Variants in ACVR1 observed in about 807,000 individuals in gnomAD.
The protein encoded by ACVR1 is activin A receptor type 1.
A neutral mutation model predicts 57.1 loss-of-function variants in ACVR1; 38 were observed. The ratio of observed to expected loss-of-function variants is 0.67; its 90% CI spans 0.51 to 0.87. The LOEUF is 0.87. Among genes scored for constraint, ACVR1 ranks in the 40% least tolerant of loss-of-function variants. The pLI, the probability that ACVR1 is intolerant of heterozygous loss-of-function variation, is 0.00. For missense variants in ACVR1, 463 were observed against 638.2 expected (o/e 0.73, Z 2.96); for synonymous variants, 212 against 228.1 (o/e 0.93, Z 0.63).
intron 1 of ACVR1, among the ~76,000 whole-genome samples, chr2:157,834,800 G>T (rs576410502): frequency 6.6e-6 from 1 of 152,162 alleles, no homozygotes; most frequent in Non-Finnish European, 1.5e-5. Context: ...GCTTTCGGAG[G>T]TGATTAAATC....
At chr2:157,738,414 T>A (rs775864239) in intron 10 of ACVR1, 26 bp downstream of exon 10, 2 of 1,613,964 alleles carry the variant, frequency 1.2e-6, no homozygotes, top group Admixed American at 3.3e-5. Context: ...AAAAGAGCTC[T>A]AAAACTGAGA....
intron 3 of ACVR1, among the ~76,000 whole-genome samples, chr2:157,788,596 C>T (rs756071377): frequency 2.6e-5 from 4 of 152,066 alleles, no homozygotes; most frequent in Non-Finnish European, 5.9e-5. Flanking sequence ...TTTTACTTTG[C>T]TATTGTTGTT....
chr2:157,744,515 T>G (rs534642007), intron 9 of ACVR1, among the ~76,000 whole-genome samples: 1 of 152,328 alleles, frequency 6.6e-6, no homozygotes, highest in East Asian at 1.9e-4. Context: ...GATAATAATT[T>G]CCTTTCAAAA....
At chr2:157,830,077 G>T (rs147957304) in intron 1 of ACVR1, among the ~76,000 whole-genome samples, 1,758 of 152,274 alleles carry the variant, frequency 0.012, 129 homozygotes, top group Admixed American at 0.1. Context: ...AAATTAGCCA[G>T]GTGTGGTAGC....
intron 2 of ACVR1, among the ~76,000 whole-genome samples, chr2:157,807,984 T>C (rs1266635512): frequency 1.3e-5 from 2 of 151,604 alleles, no homozygotes; most frequent in Non-Finnish European, 2.9e-5. Context: ...TTTTCTGTGG[T>C]AGTGAGAAAC....
chr2:157,873,463 T>C (rs1690179364), intron 1 of ACVR1, among the ~76,000 whole-genome samples: 1 of 152,238 alleles, frequency 6.6e-6, no homozygotes, highest in South Asian at 2.1e-4. Flanking sequence ...AGTGGTTTGC[T>C]TCTCCAGAAT....
intron 1 of ACVR1, among the ~76,000 whole-genome samples, chr2:157,869,290 G>A (rs1220417305): frequency 6.6e-6 from 1 of 152,100 alleles, no homozygotes; most frequent in East Asian, 1.9e-4. Flanking sequence ...AAGGGAGAGG[G>A]GCATAGGGGT....
chr2:157,871,100 C>A (rs1690100931), intron 1 of ACVR1, among the ~76,000 whole-genome samples: 1 of 152,096 alleles, frequency 6.6e-6, no homozygotes, highest in Non-Finnish European at 1.5e-5. Context: ...CCTCAAGGAG[C>A]CCAGGGAGAG....
chr2:157,840,831 C>G (rs1229061711), intron 1 of ACVR1, among the ~76,000 whole-genome samples: 3 of 152,268 alleles, frequency 2.0e-5, no homozygotes, highest in Non-Finnish European at 4.4e-5. Flanking sequence ...CCACATCCTG[C>G]AGCCGTCCAC....
At chr2:157,856,684 CAG>C (rs1033240173) in intron 1 of ACVR1, among the ~76,000 whole-genome samples, 2 of 152,068 alleles carry the variant, frequency 1.3e-5, no homozygotes, top group Non-Finnish European at 2.9e-5. Flanking sequence ...CTTTGAAGTC[CAG>C]AGAGGTTTGG....
chr2:157,773,607 T>C (rs1686153564), intron 6 of ACVR1, among the ~76,000 whole-genome samples: 1 of 152,238 alleles, frequency 6.6e-6, no homozygotes, highest in South Asian at 2.1e-4. Flanking sequence ...TGGAGAAATG[T>C]ATATAGCTCA....
intron 7 of ACVR1, among the ~76,000 whole-genome samples, chr2:157,768,226 T>C (rs1685941459): frequency 1.3e-5 from 2 of 152,166 alleles, no homozygotes; most frequent in African/African-American, 4.8e-5. Context: ...CCCAGTCTGC[T>C]TTTCCCCTCG....
rs1328928419 is a variant in ACVR1, at chr2:157,876,059, T to TGGCAGCGGCAGCGGC, written c.-461_-447dup. On this transcript the variant is annotated 5_prime_UTR_variant, in exon 1 of 11. Transcript: ENST00000434821. Reference sequence around the variant, plus strand: ...CGGCGCGGCTGGCCGAGGAGCAGGCTGGCAGCGGCAGCGGCGGCAGCGGCA... The same window carrying TGGCAGCGGCAGCGGC: ...CGGCGCGGCTGGCCGAGGAGCAGGCTGGCAGCGGCAGCGGCGGCAGCGGCAGCGGCGGCAGCGGCA... 8.4e-5 allele frequency among the ~76,000 whole-genome samples: 10 copies of TGGCAGCGGCAGCGGC among 118,388 alleles called. No homozygotes were observed. In the East Asian group the frequency reaches 8.9e-4, roughly 11 times the overall value. The allele number at this position is 118,388 out of a possible 152,430, so 77.7% of individuals were successfully genotyped here. A position where few individuals can be genotyped will look rare whatever the true frequency, so the allele number is the denominator to read the frequency against.
In ACVR1 at chr2:157,810,018, C is replaced by T. The variant is rs142319562; in HGVS notation, c.-8+8367G>A. ...TTGAGCCCAGGAGTTCAAGGTTACA[C>T]TGAGCTATGATCATGCCACTGTACT... On this transcript the variant is annotated intron_variant, in intron 2 of 10. Transcript: ENST00000434821. 2.6e-3 allele frequency among the ~76,000 whole-genome samples: 389 copies of T among 152,224 alleles called. 2 individuals carry two copies. Among genetic ancestry groups the T allele is most frequent in the African/African-American group, 8.4e-3 (350 of 41,520 alleles).
intron 1 of ACVR1, among the ~76,000 whole-genome samples, chr2:157,858,944 A>G (rs954499577): frequency 3.9e-5 from 6 of 152,282 alleles, no homozygotes; most frequent in Middle Eastern, 3.4e-3. Context: ...AACTCACCAG[A>G]CAGCTCTACT....
At chr2:157,745,127 T>C (rs1574009745) in intron 9 of ACVR1, among the ~76,000 whole-genome samples, 1 of 152,338 alleles carries the variant, frequency 6.6e-6, no homozygotes, top group East Asian at 1.9e-4. Context: ...CTCATCGATG[T>C]AACACAGCAA....
At chr2:157,864,160 C>A (rs1294483582) in intron 1 of ACVR1, among the ~76,000 whole-genome samples, 4 of 150,918 alleles carry the variant, frequency 2.7e-5, no homozygotes, top group Non-Finnish European at 5.9e-5. Flanking sequence ...CCGTGCCCTG[C>A]CTTGCAGGAG....
rs1183952266 is a variant in ACVR1 at position 157,876,198 on chromosome 2, C to G, written c.-585G>C. 6.9e-6 allele frequency among the ~76,000 whole-genome samples: 1 copy of G among 144,920 alleles called. No homozygotes were observed. The highest frequency in any genetic ancestry group is 1.5e-5 in the Non-Finnish European group (1 of 65,732). ...GAGGCGCAGAGGCTCGGGCTGGGAG[C>G]ACGACCGCGGGCGGGGCGGGCGGAC... On this transcript the variant is annotated 5_prime_UTR_variant, in exon 1 of 11. Transcript: ENST00000434821.
intron 2 of ACVR1, among the ~76,000 whole-genome samples, chr2:157,804,504 C>G (rs1687448700): frequency 6.6e-6 from 1 of 152,114 alleles, no homozygotes; most frequent in Non-Finnish European, 1.5e-5. Flanking sequence ...GGCTGTAATG[C>G]CAAAATCTCT....
Sources: gnomAD v4.1 joint callset for allele counts (sites outside exome capture counted in the v4.1 genomes callset) on GRCh38, gnomAD v4.1.1 for gene constraint, MANE v1.5 for transcripts, NCBI Gene and HGNC (gene_info 2026-07-23, HGNC 2026-07-21) for gene names.